MAP3K20: variants seen among roughly 807,000 people sequenced by gnomAD.
MAP3K20 encodes HCCS-4.
Under a neutral mutation model 85.7 loss-of-function variants are expected in MAP3K20, and 40 were observed. The ratio of observed to expected loss-of-function variants is 0.47; its 90% CI spans 0.36 to 0.61. The LOEUF (loss-of-function observed/expected upper bound fraction) is 0.61, where lower values mean the gene tolerates loss of function less well. Ranked by LOEUF, MAP3K20 falls within the 20% of genes least tolerant of loss-of-function variation. The pLI, the probability that MAP3K20 is intolerant of heterozygous loss-of-function variation, is 0.00. For synonymous variants in MAP3K20, 325 were observed against 327.7 expected, an observed-to-expected ratio of 0.99 and a Z score of 0.09; for missense variants, 817 against 961.7, an observed-to-expected ratio of 0.85 and a Z score of 1.99.
At chr2:173,167,057 C>T (rs561414631) in intron 2 of MAP3K20, among the ~76,000 whole-genome samples, 48 of 152,018 alleles carry the variant, frequency 3.2e-4, no homozygotes, top group African/African-American at 9.9e-4. Flanking sequence ...GGACTACAGG[C>T]GCCCGCTACC....
chr2:173,262,178 G>A (rs1369004487), intron 18 of MAP3K20, among the ~76,000 whole-genome samples: 2 of 152,214 alleles, frequency 1.3e-5, no homozygotes, highest in African/African-American at 4.8e-5. Context: ...CACTTTCTGC[G>A]CTTCCCTGGC....
chr2:173,172,813 T>C (rs1027336973), intron 3 of MAP3K20, among the ~76,000 whole-genome samples: 1 of 152,004 alleles, frequency 6.6e-6, no homozygotes, highest in Non-Finnish European at 1.5e-5. Context: ...TTCTTTTTTT[T>C]TTTTGAGACG....
chr2:173,142,981 C>T (rs1005219076), intron 2 of MAP3K20, among the ~76,000 whole-genome samples: 6 of 152,058 alleles, frequency 3.9e-5, no homozygotes, highest in African/African-American at 1.4e-4. Context: ...GAGCTGTGAT[C>T]ACACCATCGC....
chr2:173,206,959 T>A (rs1312194982), intron 9 of MAP3K20, among the ~76,000 whole-genome samples: 2 of 148,450 alleles, frequency 1.3e-5, no homozygotes, highest in Non-Finnish European at 3.0e-5. Flanking sequence ...TCCTTAAATT[T>A]TTAGAGTATT....
At chr2:173,179,632 C>A (rs1690265195) in intron 3 of MAP3K20, among the ~76,000 whole-genome samples, 1 of 151,508 alleles carries the variant, frequency 6.6e-6, no homozygotes, top group Non-Finnish European at 1.5e-5. Flanking sequence ...AAGTAATAGG[C>A]ATCCAGATTG....
chr2:173,101,998 C>A (rs1465127141), intron 2 of MAP3K20, among the ~76,000 whole-genome samples: 1 of 152,154 alleles, frequency 6.6e-6, no homozygotes, highest in Non-Finnish European at 1.5e-5. Context: ...AATGTAACTT[C>A]CAGCCATTGT....
intron 3 of MAP3K20, among the ~76,000 whole-genome samples, chr2:173,176,939 T>C (rs1008946896): frequency 6.6e-6 from 1 of 152,138 alleles, no homozygotes; most frequent in African/African-American, 2.4e-5. Context: ...ATAAGAAATA[T>C]TACTTGAGAT....
At chr2:173,175,397 A>G (rs372340902) in intron 3 of MAP3K20, among the ~76,000 whole-genome samples, 1 of 152,306 alleles carries the variant, frequency 6.6e-6, no homozygotes, top group East Asian at 1.9e-4. Context: ...AGCCATTCGT[A>G]GGTTGCCGCT....
intron 1 of MAP3K20, among the ~76,000 whole-genome samples, chr2:173,078,193 T>C (rs1478694783): frequency 6.6e-6 from 1 of 151,168 alleles, no homozygotes; most frequent in Non-Finnish European, 1.5e-5. Flanking sequence ...TTTTTTGTTT[T>C]TGTTTTGTTT....
intron 2 of MAP3K20, among the ~76,000 whole-genome samples, chr2:173,117,128 T>C (rs2106182425): frequency 6.6e-6 from 1 of 152,360 alleles, no homozygotes. Flanking sequence ...CATTTAACAA[T>C]GCAATCAATT....
chr2:173,101,106 C>G (rs564687910), intron 2 of MAP3K20, among the ~76,000 whole-genome samples: 1 of 152,208 alleles, frequency 6.6e-6, no homozygotes, highest in South Asian at 2.1e-4. Flanking sequence ...GGAAGAGCCA[C>G]CAGAAAGGCT....
intron 8 of MAP3K20, among the ~76,000 whole-genome samples, chr2:173,201,476 C>G (rs1277547740): frequency 6.6e-6 from 1 of 152,054 alleles, no homozygotes; most frequent in African/African-American, 2.4e-5. Flanking sequence ...ATTTGACTAA[C>G]AGAAATCTTC....
intron 2 of MAP3K20, among the ~76,000 whole-genome samples, chr2:173,154,977 A>G (rs1177625018): frequency 6.6e-6 from 1 of 152,210 alleles, no homozygotes; most frequent in Non-Finnish European, 1.5e-5. Context: ...TCAGGAAAGT[A>G]GTTTGAGAAG....
intron 2 of MAP3K20, among the ~76,000 whole-genome samples, chr2:173,135,329 A>C (rs545790683): frequency 3.1e-4 from 47 of 152,356 alleles, no homozygotes; most frequent in African/African-American, 9.9e-4. Context: ...CAGTCGGAAG[A>C]GTAATTGACA....
chr2:173,127,881 T>C (rs1187066972), intron 2 of MAP3K20, among the ~76,000 whole-genome samples: 1 of 152,174 alleles, frequency 6.6e-6, no homozygotes, highest in Admixed American at 6.5e-5. Context: ...AACACCCCAG[T>C]GGGTTAGGAA....
At chr2:173,225,134 TC>T (rs11339480) in intron 11 of MAP3K20, 983,528 of 985,364 alleles carry the variant, frequency 1, 490,877 homozygotes, top group East Asian at 1. Flanking sequence ...GATGAGACCC[TC>T]CCTAGTCATT....
At chr2:173,222,249 A>G (rs1430806698) in intron 11 of MAP3K20, 4 of 985,870 alleles carry the variant, frequency 4.1e-6, no homozygotes, top group Non-Finnish European at 4.8e-6. Flanking sequence ...AAATCCAACA[A>G]CAATACTGAG....
Position 173,233,710 on chromosome 2 carries a change from T to TC in MAP3K20, c.1203+1254dup, listed in dbSNP as rs541852982. Among the ~76,000 whole-genome samples, 293 of 152,248 alleles carry TC rather than the reference T, an allele frequency of 1.9e-3. 6 individuals carry two copies. The South Asian group carries it at 0.052, about 27-fold the overall frequency. ...AAGGCTCTACCAACACGCCAGCTAG[T>TC]CCCTACCTCAGAGCTACCCACAGTG... is the stretch of plus-strand genomic sequence containing the variant. On this transcript the variant is annotated intron_variant, in intron 14 of 19. Coordinates refer to ENST00000375213, the MANE Select transcript of MAP3K20 (RefSeq NM_016653.3).
In MAP3K20 at chr2:173,109,509, A is replaced by G. The variant is rs1449548964; in HGVS notation, c.159+18319A>G. On this transcript the variant is annotated intron_variant, in intron 2 of 19. Coordinates refer to ENST00000375213, the MANE Select transcript of MAP3K20 (RefSeq NM_016653.3). ...TTTTTCTGTTTGTTTTAGTAAACCC[A>G]TAAAGGCTCTGGAATGTCTACCCAC... Among the ~76,000 whole-genome samples the G allele has an allele frequency of 2.0e-5, 3 of 151,960 alleles. No individual in the cohort carries two copies. The East Asian group carries it at 5.8e-4, about 29-fold the overall frequency.
Sources: allele counts gnomAD v4.1 joint callset (sites outside exome capture counted in the v4.1 genomes callset), GRCh38; gene constraint gnomAD v4.1.1; transcripts MANE v1.5; gene names NCBI Gene and HGNC (gene_info 2026-07-23, HGNC 2026-07-21).